The following HAT1 variants were observed in gnomAD, a reference collection of about 807,000 sequenced individuals.
HAT1 encodes the protein histone acetyltransferase type B catalytic subunit.
In HAT1, 20 loss-of-function variants were observed where a neutral mutation model predicts 56.6. The observed-to-expected ratio is 0.35, with a 90% confidence interval of 0.25 to 0.51. HAT1 has a LOEUF of 0.51. Ranked by LOEUF, HAT1 falls within the 20% of genes least tolerant of loss-of-function variation. The pLI, the probability that HAT1 is intolerant of heterozygous loss-of-function variation, is 0.95. For synonymous variants in HAT1, 146 were observed against 165.5 expected, an observed-to-expected ratio of 0.88 and a Z score of 0.91; for missense variants, 408 against 504.3, an observed-to-expected ratio of 0.81 and a Z score of 1.83.
chr2:171,949,673 CA>C (rs71013094), intron 3 of HAT1, among the ~76,000 whole-genome samples: 26,558 of 127,904 alleles, frequency 0.21, 3,398 homozygotes, highest in African/African-American at 0.4. Context: ...GACTCTGTCT[CA>C]AAAAAAAAAA....
intron 2 of HAT1, among the ~76,000 whole-genome samples, chr2:171,939,982 G>C (rs918017546): frequency 4.0e-5 from 6 of 151,830 alleles, no homozygotes; most frequent in African/African-American, 1.5e-4. Context: ...TATTGCTCAG[G>C]CTAGTCTCAA....
intron 6 of HAT1, 110 bp from the exon 7 acceptor site, chr2:171,966,299 C>A: frequency 1.4e-6 from 1 of 724,966 alleles, no homozygotes; most frequent in Admixed American, 2.0e-5. Context: ...TGGGCCCTCA[C>A]AGAGTAGCTT....
chr2:171,943,437 G>GAAAAAAAAAAAAAAAAAAAAAAAAAA (rs1687079374), intron 2 of HAT1, among the ~76,000 whole-genome samples: 1 of 88,278 alleles, frequency 1.1e-5, no homozygotes, highest in Non-Finnish European at 2.3e-5. Context: ...AAAAAAAAAG[G>GAAAAAAAAAAAAAAAAAAAAAAAAAA]AAACTAAGCA....
At chr2:171,974,189 A>G (rs1163309756) in intron 8 of HAT1, among the ~76,000 whole-genome samples, 4 of 108,648 alleles carry the variant, frequency 3.7e-5, no homozygotes, top group African/African-American at 1.4e-4. Context: ...AAAAAAAAAA[A>G]AAAGAAAAAA....
At chr2:171,974,210 A>AG (rs1687904729) in intron 8 of HAT1, among the ~76,000 whole-genome samples, 3 of 72,690 alleles carry the variant, frequency 4.1e-5, no homozygotes, top group Admixed American at 1.9e-4. Context: ...AGAAAAAGAA[A>AG]AAAAAAAAAA....
rs1687679451 is a variant in HAT1 at position 171,966,199 on chromosome 2, A to G, written c.612-210A>G. 3 of 624,930 alleles carry G rather than the reference A, an allele frequency of 4.8e-6. No individual in the cohort carries two copies. The South Asian group carries it at 5.5e-5, about 11-fold the overall frequency. The allele number at this position is 624,930 out of a possible 1,614,324, so 38.7% of individuals were successfully genotyped here. ...ATTCATCTTTATAATAGGCAAGTGCACTGAAGTGATGTAAAGAGGTCTGAT... is the reference window on the plus strand; with the variant it reads ...ATTCATCTTTATAATAGGCAAGTGCGCTGAAGTGATGTAAAGAGGTCTGAT... On this transcript the variant is annotated intron_variant, in intron 6 of 10. Transcript: ENST00000264108.
intron 10 of HAT1, among the ~76,000 whole-genome samples, chr2:171,981,581 T>C (rs180953411): frequency 1.1e-3 from 169 of 152,344 alleles, no homozygotes; most frequent in Non-Finnish European, 2.0e-3. Flanking sequence ...ATTTCCTAAT[T>C]TGTCATTGTA....
chr2:171,930,523 A>T (rs898871482), intron 2 of HAT1, among the ~76,000 whole-genome samples: 3 of 152,192 alleles, frequency 2.0e-5, no homozygotes, highest in African/African-American at 7.2e-5. Flanking sequence ...ATGTGTGTGC[A>T]TGTGCATATG....
At chr2:171,946,957 C>G (rs1041239170) in intron 3 of HAT1, among the ~76,000 whole-genome samples, 174 bp downstream of exon 3, 1 of 151,754 alleles carries the variant, frequency 6.6e-6, no homozygotes, top group Non-Finnish European at 1.5e-5. Flanking sequence ...ATTTTAATAC[C>G]TACCATTTAG....
intron 4 of HAT1, among the ~76,000 whole-genome samples, chr2:171,955,505 G>A (rs372731055): frequency 2.0e-5 from 3 of 151,992 alleles, no homozygotes; most frequent in Non-Finnish European, 4.4e-5. Context: ...CAGCAACTTG[G>A]GGGGCTGAGG....
In HAT1 at chr2:171,952,996, G is replaced by A. The variant is rs1477492914; in HGVS notation, c.304G>A (p.Val102Ile). Residue 102 changes from valine to isoleucine, a missense_variant, in exon 4 of 11, where the codon GTA (valine) becomes ATA (isoleucine). By Grantham distance (29) the Val-to-Ile change is conservative (BLOSUM62 3). Coordinates refer to ENST00000264108, the MANE Select transcript of HAT1 (RefSeq NM_003642.4). The part of the protein sequence containing the change: ...ASKVDENFDC[V>I]EADDVEGKIR... ...TAAAGTTGATGAGAACTTTGACTGT[G>A]TAGAGGTAAGAACAGAAATACTTTT... 1 of 1,574,040 alleles carries A rather than the reference G, an allele frequency of 6.4e-7. No homozygotes were observed. The highest frequency in any genetic ancestry group is 2.3e-5 in the East Asian group (1 of 44,404).
chr2:171,937,170 G>C (rs115939631), intron 2 of HAT1, among the ~76,000 whole-genome samples: 2,051 of 152,230 alleles, frequency 0.013, 44 homozygotes, highest in African/African-American at 0.045. Flanking sequence ...GCCCAAGCTG[G>C]TCTTGAACTC....
At chr2:171,930,641 G>T (rs180857156) in intron 2 of HAT1, among the ~76,000 whole-genome samples, 1 of 152,228 alleles carries the variant, frequency 6.6e-6, no homozygotes, top group East Asian at 1.9e-4. Flanking sequence ...CTGAGAGAGT[G>T]GCTCACTCCA....
chr2:171,958,378 T>G (rs187447817), intron 4 of HAT1, among the ~76,000 whole-genome samples: 2 of 152,058 alleles, frequency 1.3e-5, no homozygotes, highest in Non-Finnish European at 2.9e-5. Context: ...TGTGCAGAAC[T>G]TGCACGTTTG....
At chr2:171,950,607 G>T (rs1002122598) in intron 3 of HAT1, among the ~76,000 whole-genome samples, 2 of 152,004 alleles carry the variant, frequency 1.3e-5, no homozygotes, top group Non-Finnish European at 2.9e-5. Flanking sequence ...AGGTTCAAGC[G>T]ATTCTCCTGC....
At chr2:171,950,260 C>T (rs1317981882) in intron 3 of HAT1, among the ~76,000 whole-genome samples, 3 of 151,186 alleles carry the variant, frequency 2.0e-5, no homozygotes, top group Middle Eastern at 3.6e-3. Flanking sequence ...CATCCTCTGC[C>T]GCCTCCCAGT....
chr2:171,958,587 C>T (rs1687504380), intron 4 of HAT1, among the ~76,000 whole-genome samples: 1 of 152,060 alleles, frequency 6.6e-6, no homozygotes, highest in Admixed American at 6.6e-5. Flanking sequence ...CGTACCCAGC[C>T]TTCTCCTGTG....
At chr2:171,976,513 C>T (rs531460264) in intron 9 of HAT1, among the ~76,000 whole-genome samples, 4 of 152,206 alleles carry the variant, frequency 2.6e-5, no homozygotes, top group South Asian at 4.1e-4. Flanking sequence ...TAATTTACCT[C>T]GTGCCTCAGT....
intron 3 of HAT1, among the ~76,000 whole-genome samples, chr2:171,948,029 A>G (rs189812302): frequency 1.3e-5 from 2 of 152,356 alleles, no homozygotes; most frequent in African/African-American, 2.4e-5. Context: ...TTGCAAGAAT[A>G]GTACAGTGAT....
Sources: allele counts gnomAD v4.1 joint callset (sites outside exome capture counted in the v4.1 genomes callset), GRCh38; gene constraint gnomAD v4.1.1; transcripts MANE v1.5; gene names NCBI Gene and HGNC (gene_info 2026-07-23, HGNC 2026-07-21).